The following SLC12A1 variants were observed in gnomAD, a reference collection of about 807,000 sequenced individuals.
The protein encoded by SLC12A1 is solute carrier family 12 member 1.
In SLC12A1, 89 loss-of-function variants were observed where a neutral mutation model predicts 130.4. The observed-to-expected ratio is 0.68, with a 90% CI of 0.58 to 0.81. The LOEUF (loss-of-function observed/expected upper bound fraction) is 0.81, where lower values mean the gene tolerates loss of function less well. Among genes scored for constraint, SLC12A1 ranks in the 40% least tolerant of loss-of-function variants. SLC12A1 has a pLI of 0.00. For synonymous variants in SLC12A1, 499 were observed against 460.0 expected (o/e 1.08, Z -1.09); for missense variants, 1,310 against 1,336.4 (o/e 0.98, Z 0.31).
At chr15:48,261,516 G>A (rs1287125888) in intron 17 of SLC12A1, among the ~76,000 whole-genome samples, 1 of 152,158 alleles carries the variant, frequency 6.6e-6, no homozygotes, top group Non-Finnish European at 1.5e-5. Context: ...ACAGAAAATA[G>A]TTACTGCATC....
At chr15:48,231,386 C>A (rs1480087385) in intron 7 of SLC12A1, among the ~76,000 whole-genome samples, 3 of 152,136 alleles carry the variant, frequency 2.0e-5, no homozygotes, top group Non-Finnish European at 4.4e-5. Context: ...AAATTAGTAT[C>A]AACAGGACAC....
chr15:48,291,706 TCAAA>T (rs2042123098), intron 23 of SLC12A1, 68 bp from the exon 24 acceptor site: 2 of 956,322 alleles, frequency 2.1e-6, no homozygotes, highest in Middle Eastern at 4.6e-4. Flanking sequence ...ATATCTTAAC[TCAAA>T]CAAAAAACTC....
intron 21 of SLC12A1, 94 bp from the exon 22 acceptor site, chr15:48,287,949 C>T (rs1427743894): frequency 2.2e-5 from 30 of 1,347,628 alleles, no homozygotes; most frequent in African/African-American, 2.9e-5. Flanking sequence ...GAATCTGTGA[C>T]CTTTTCTCTA....
At chr15:48,239,375 G>A (rs544499584) in intron 9 of SLC12A1, among the ~76,000 whole-genome samples, 41 of 152,030 alleles carry the variant, frequency 2.7e-4, no homozygotes, top group Non-Finnish European at 5.1e-4. Context: ...CTAGCTGGGC[G>A]TGGTGGCACA....
At chr15:48,263,683 T>TTTTATTTATTTATTTATTTA (rs201165308) in intron 17 of SLC12A1, among the ~76,000 whole-genome samples, 11 of 151,526 alleles carry the variant, frequency 7.3e-5, no homozygotes, top group African/African-American at 2.4e-4. Flanking sequence ...CTCACTTTAT[T>TTTTATTTATTTATTTATTTA]TTTATTTATT....
intron 20 of SLC12A1, 28 bp downstream of exon 20, chr15:48,274,681 A>C: frequency 6.7e-7 from 1 of 1,498,564 alleles, no homozygotes; most frequent in Non-Finnish European, 9.3e-7. Context: ...TCAACCAACA[A>C]GTATTTATTG....
intron 17 of SLC12A1, among the ~76,000 whole-genome samples, chr15:48,262,538 C>T (rs1292191856): frequency 6.6e-6 from 1 of 152,180 alleles, no homozygotes; most frequent in African/African-American, 2.4e-5. Context: ...ACACTCTCCG[C>T]AGGCCTCTTC....
At chr15:48,262,022 T>G (rs932434376) in intron 17 of SLC12A1, among the ~76,000 whole-genome samples, 1 of 152,274 alleles carries the variant, frequency 6.6e-6, no homozygotes, top group Middle Eastern at 3.4e-3. Flanking sequence ...TAACTTTCAT[T>G]GTTATTGTGA....
chr15:48,255,514 T>G (rs1435378859), intron 15 of SLC12A1, among the ~76,000 whole-genome samples: 1 of 152,136 alleles, frequency 6.6e-6, no homozygotes, highest in Non-Finnish European at 1.5e-5. Context: ...CAAGTCTATA[T>G]GCCTGCAATG....
In SLC12A1 at chr15:48,232,815, C is replaced by T; in HGVS notation, c.1064C>T (p.Ser355Phe). ...TVIPSNNEKK[S>F]RGFFNYQASI... Reference sequence around the variant, plus strand: ...ATTCCATCCAACAATGAGAAAAAGTCCAGAGGTTTCTTTAATTACCAAGGT... The same window carrying T: ...ATTCCATCCAACAATGAGAAAAAGTTCAGAGGTTTCTTTAATTACCAAGGT... The change falls in exon 8 of 27, where the codon TCC becomes TTC. Residue 355 changes from serine (S) to phenylalanine (F), a missense_variant. Physicochemically the swap from Ser to Phe is radical, Grantham distance 155. Transcript: ENST00000380993. 6.2e-7 allele frequency: 1 copy of T among 1,608,962 alleles called. No individual in the cohort carries two copies. The highest frequency in any genetic ancestry group is 1.1e-5 in the South Asian group (1 of 90,750).
Position 48,267,589 on chromosome 15 carries a change from T to A in SLC12A1, c.2183T>A (p.Met728Lys). 1 of 1,613,546 alleles carries A rather than the reference T, an allele frequency of 6.2e-7. No homozygotes were observed. Among genetic ancestry groups the A allele is most frequent in the South Asian group, 1.1e-5 (1 of 91,066 alleles). The change falls in exon 18 of 27, where the codon ATG becomes AAG. Residue 728 changes from methionine to lysine, a missense_variant. By Grantham distance (95) the Met-to-Lys change is moderately conservative. Coordinates refer to ENST00000380993, the MANE Select transcript of SLC12A1 (RefSeq NM_000338.3). ...CCGCGCAAACTGTGTGTTAAGGAGA[T>A]GAACAGTGGCATGGCGAAAAAACAG... ...VGPRKLCVKEMNSGMAKKQAW... is the reference protein window; with the variant it reads ...VGPRKLCVKEKNSGMAKKQAW...
chr15:48,267,751 T>C, intron 18 of SLC12A1, 50 bp downstream of exon 18: 1 of 1,598,052 alleles, frequency 6.3e-7, no homozygotes, highest in Non-Finnish European at 8.6e-7. Context: ...CAATTAGTGC[T>C]CCATGTTAAT....
chr15:48,229,382 G>T lies in SLC12A1; in HGVS notation c.864+54G>T, dbSNP rs575874450. 18 of 1,523,470 alleles carry T rather than the reference G, an allele frequency of 1.2e-5. No homozygotes were observed. The South Asian group carries it at 1.9e-4, about 16-fold the overall frequency. 94.4% of individuals were successfully genotyped at this position (1,523,470 alleles called of 1,614,324 possible). Reference sequence around the variant, plus strand: ...CAAGCAGCATAATTTAGTTTAGTTTGCCTTCTCAGGGCACTAAGGGATATC... The same window carrying T: ...CAAGCAGCATAATTTAGTTTAGTTTTCCTTCTCAGGGCACTAAGGGATATC... On this transcript the variant is annotated intron_variant, in intron 6 of 26. Transcript: ENST00000380993.
chr15:48,208,034 C>A lies in SLC12A1; in HGVS notation c.315C>A (p.Thr105=). The stretch of plus-strand genomic sequence containing the variant: ...ATCTACAAACTTTTGGCCACAACAC[C>A]ATGGATGCCGTTCCCAAGATAGAGT... ...TYYLQTFGHN[T]MDAVPKIEYY... Residue 105 remains threonine, a synonymous_variant, in exon 2 of 27, where the codon ACC becomes ACA. Transcript: ENST00000380993. 1 of 1,613,948 alleles carries A rather than the reference C, an allele frequency of 6.2e-7. No homozygotes were observed. The highest frequency in any genetic ancestry group is 8.5e-7 in the Non-Finnish European group (1 of 1,179,870).
intron 19 of SLC12A1, among the ~76,000 whole-genome samples, chr15:48,272,255 T>G (rs1287196743): frequency 6.6e-6 from 1 of 152,248 alleles, no homozygotes; most frequent in Admixed American, 6.5e-5. Flanking sequence ...ATGACAATCA[T>G]GTATCCATAT....
At chr15:48,229,729 G>T (rs2041346601) in intron 6 of SLC12A1, among the ~76,000 whole-genome samples, 1 of 152,194 alleles carries the variant, frequency 6.6e-6, no homozygotes. Flanking sequence ...TAAAAGGAAA[G>T]AAAGTTTAAA....
intron 17 of SLC12A1, among the ~76,000 whole-genome samples, chr15:48,266,094 T>G (rs566420697): frequency 1.3e-5 from 2 of 152,192 alleles, no homozygotes; most frequent in African/African-American, 4.8e-5. Flanking sequence ...AGCATGGACA[T>G]ACAGGCTATC....
intron 2 of SLC12A1, among the ~76,000 whole-genome samples, chr15:48,219,659 GGAAAGAAAGAAA>G (rs1447774118): frequency 6.6e-6 from 1 of 151,934 alleles, no homozygotes; most frequent in Non-Finnish European, 1.5e-5. Flanking sequence ...GAAGAAAGAA[GGAAAGAAAGAAA>G]GACAGAAAAC....
chr15:48,212,595 A>G (rs1316725158), intron 2 of SLC12A1, among the ~76,000 whole-genome samples: 1 of 152,184 alleles, frequency 6.6e-6, no homozygotes, highest in Non-Finnish European at 1.5e-5. Flanking sequence ...TTCATATCCA[A>G]TTCCTTACTA....
Sources: allele counts gnomAD v4.1 joint callset (sites outside exome capture counted in the v4.1 genomes callset), GRCh38; gene constraint gnomAD v4.1.1; transcripts MANE v1.5; gene names NCBI Gene and HGNC (gene_info 2026-07-23, HGNC 2026-07-21).